UNC79: variants seen among roughly 807,000 people sequenced by gnomAD.
UNC79 encodes protein unc-79 homolog.
In UNC79, 37 loss-of-function variants were observed where a neutral mutation model predicts 283.1. That is an observed-to-expected ratio of 0.13 (90% CI 0.10 to 0.17). The LOEUF (loss-of-function observed/expected upper bound fraction) is 0.17, where lower values mean the gene tolerates loss of function less well. UNC79 is among the 10% of genes least tolerant of loss of function. UNC79 has a pLI of 1.00. For missense variants in UNC79, 2,272 were observed against 3,211.1 expected, an observed-to-expected ratio of 0.71 and a Z score of 7.07; for synonymous variants, 1,107 against 1,200.2, an observed-to-expected ratio of 0.92 and a Z score of 1.61.
intron 1 of UNC79, among the ~76,000 whole-genome samples, chr14:93,355,432 C>T (rs1178320474): frequency 1.3e-5 from 2 of 152,082 alleles, no homozygotes; most frequent in African/African-American, 2.4e-5. Context: ...CACTTGACCT[C>T]GTGATCGGCC....
At chr14:93,369,889 G>T (rs536151012) in intron 1 of UNC79, among the ~76,000 whole-genome samples, 2 of 152,194 alleles carry the variant, frequency 1.3e-5, no homozygotes, top group African/African-American at 4.8e-5. Context: ...GAAGTAACCA[G>T]CTCCAGTTAG....
chr14:93,528,735 A>AGAGAG, intron 9 of UNC79, 89 bp downstream of exon 9: 2 of 1,249,340 alleles, frequency 1.6e-6, no homozygotes, highest in Non-Finnish European at 1.1e-6. Context: ...TTACATTGCT[A>AGAGAG]AAGTTTCTCT....
chr14:93,555,717 C>A (rs1421455390), intron 14 of UNC79, among the ~76,000 whole-genome samples: 1 of 152,068 alleles, frequency 6.6e-6, no homozygotes, highest in African/African-American at 2.4e-5. Context: ...ATTTCTTTCT[C>A]ATTTTATTTT....
intron 31 of UNC79, among the ~76,000 whole-genome samples, chr14:93,634,178 T>C (rs368027872): frequency 2.0e-5 from 3 of 152,330 alleles, no homozygotes; most frequent in African/African-American, 7.2e-5. Flanking sequence ...AGTTAAGCCA[T>C]ACATTTAAAT....
chr14:93,474,060 T>C lies in UNC79; in HGVS notation c.144-29T>C. On this transcript the variant is annotated intron_variant, in intron 2 of 48. Coordinates refer to ENST00000555664, the Ensembl canonical transcript of UNC79. The surrounding 1 kb of genome is among the most constrained non-coding windows in gnomAD (Gnocchi z 4.1). ...TGTGCTGTTCTTTGTGTCTTTGTTG[T>C]CTCTTTTTTTTCTTTGTCCCCCCAA... The C allele has an allele frequency of 8.0e-6, 12 of 1,504,080 alleles. No individual in the cohort carries two copies. Among genetic ancestry groups the C allele is most frequent in the Non-Finnish European group, 9.7e-6 (11 of 1,129,358 alleles). 93.2% of individuals were successfully genotyped at this position (1,504,080 alleles called of 1,614,324 possible). A position where few individuals can be genotyped will look rare whatever the true frequency, so the allele number is the denominator to read the frequency against.
chr14:93,543,464 G>A (rs2061464685), intron 14 of UNC79, among the ~76,000 whole-genome samples: 1 of 150,108 alleles, frequency 6.7e-6, no homozygotes, highest in South Asian at 2.1e-4. Context: ...CAGCAGCTTT[G>A]AACTCCTGGG....
rs1340730249 is a variant in UNC79 at position 93,430,973 on chromosome 14, C to T, written c.-57C>T. 4.3e-6 allele frequency: 3 copies of T among 699,638 alleles called. No homozygotes were observed. Among genetic ancestry groups the T allele is most frequent in the African/African-American group, 3.5e-5 (2 of 56,934 alleles). The allele number at this position is 699,638 out of a possible 1,614,324, so 43.3% of individuals were successfully genotyped here. ...TTTCCTCGCAACATCGCTGGCGGAGCGAGGGAGCTCACACGACACAGATTT... is the reference window on the plus strand; with the variant it reads ...TTTCCTCGCAACATCGCTGGCGGAGTGAGGGAGCTCACACGACACAGATTT... On this transcript the variant is annotated 5_prime_UTR_variant, in exon 1 of 49. Transcript: ENST00000555664. This position sits in a 1 kb window ranked among gnomAD's most constrained non-coding sequence, Gnocchi z 4.6.
chr14:93,583,753 C>T (rs1490719608), intron 20 of UNC79, among the ~76,000 whole-genome samples: 1 of 151,006 alleles, frequency 6.6e-6, no homozygotes, highest in African/African-American at 2.4e-5. Context: ...GGCTCCCCAC[C>T]TTGCTTCTGC....
intron 14 of UNC79, among the ~76,000 whole-genome samples, chr14:93,543,228 T>C (rs971838742): frequency 2.0e-5 from 3 of 151,774 alleles, no homozygotes; most frequent in Admixed American, 6.6e-5. Flanking sequence ...AGGTTAATGG[T>C]AGAAGTCCCT....
chr14:93,596,697 A>G (rs905038945), intron 23 of UNC79, among the ~76,000 whole-genome samples: 4 of 152,226 alleles, frequency 2.6e-5, no homozygotes, highest in Non-Finnish European at 5.9e-5. Flanking sequence ...AGCTTAAGCA[A>G]AATACTGAAA....
chr14:93,706,787 G>A (rs200459525), exon 49 of UNC79: 61 of 1,614,190 alleles, frequency 3.8e-5, no homozygotes, highest in Non-Finnish European at 4.7e-5. Context: ...TGCCGGGCTC[G>A]GGCCAGAGCA....
In UNC79 at chr14:93,702,831, A is replaced by T. The variant is rs75027469; in HGVS notation, c.7549-1794A>T. Among the ~76,000 whole-genome samples the T allele has an allele frequency of 3.7e-3, 571 of 152,268 alleles. 2 individuals carry two copies. The highest frequency in any genetic ancestry group is 0.013 in the African/African-American group (540 of 41,564). ...AGGTGGAATCCTTCCCCATCCCCAG[A>T]AACTGTCCCTGGTCTTCTCTGGACC... On this transcript the variant is annotated intron_variant, in intron 47 of 48. Transcript: ENST00000555664.
intron 16 of UNC79, 62 bp from the exon 17 acceptor site, chr14:93,574,996 A>G: frequency 6.5e-7 from 1 of 1,549,810 alleles, no homozygotes; most frequent in Non-Finnish European, 8.7e-7. Flanking sequence ...GGTTAAATAT[A>G]GCTTTTTTGA....
At chr14:93,622,455 T>C in exon 30 of UNC79, 1 of 1,614,142 alleles carries the variant, frequency 6.2e-7, no homozygotes, top group South Asian at 1.1e-5. Context: ...GGTAGCCCAC[T>C]GACGCTGAAG....
chr14:93,583,027 A>C (rs933536222), intron 20 of UNC79, among the ~76,000 whole-genome samples: 4 of 152,118 alleles, frequency 2.6e-5, no homozygotes, highest in African/African-American at 7.2e-5. Context: ...AAGAGTTAGA[A>C]TAGCTTGCTC....
At chr14:93,693,352 G>C (rs1271399620) in intron 46 of UNC79, among the ~76,000 whole-genome samples, 2 of 152,168 alleles carry the variant, frequency 1.3e-5, no homozygotes, top group Admixed American at 1.3e-4. Context: ...GATTAAAAAT[G>C]TTCCTTCTAT....
At chr14:93,652,746 A>C (rs993569913) in intron 35 of UNC79, among the ~76,000 whole-genome samples, 2 of 152,244 alleles carry the variant, frequency 1.3e-5, no homozygotes, top group East Asian at 3.9e-4. Context: ...TTGGTCTTTT[A>C]ATCTATAGCT....
intron 1 of UNC79, among the ~76,000 whole-genome samples, chr14:93,434,012 G>A (rs1362896094): frequency 6.6e-6 from 1 of 152,046 alleles, no homozygotes. Flanking sequence ...TCGGGAGTTC[G>A]AGACCAGCCT....
At chr14:93,460,185 CAG>C (rs2056916461) in intron 1 of UNC79, among the ~76,000 whole-genome samples, 1 of 113,984 alleles carries the variant, frequency 8.8e-6, no homozygotes, top group Non-Finnish European at 1.7e-5. Flanking sequence ...GCCTGGGAGA[CAG>C]ACCAAGATTC....
Sources: gnomAD v4.1 joint callset for allele counts (sites outside exome capture counted in the v4.1 genomes callset) on GRCh38, gnomAD v4.1.1 for gene constraint, Gnocchi (gnomAD v3.1) non-coding constraint, MANE v1.5 for transcripts, NCBI Gene and HGNC (gene_info 2026-07-23, HGNC 2026-07-21) for gene names.